The following PCDHA13 variants were observed in gnomAD, a reference collection of about 807,000 sequenced individuals.
The protein encoded by PCDHA13 is protocadherin alpha-13.
A neutral mutation model predicts 64.8 loss-of-function variants in PCDHA13; 54 were observed. The observed-to-expected ratio is 0.83, with a 90% CI of 0.67 to 1.04. The LOEUF is 1.04. Among genes scored for constraint, PCDHA13 ranks in the 50% least tolerant of loss-of-function variants. The pLI is 0.00. For synonymous variants in PCDHA13, 587 were observed against 564.4 expected, an observed-to-expected ratio of 1.04 and a Z score of -0.57; for missense variants, 1,248 against 1,254.3, an observed-to-expected ratio of 0.99 and a Z score of 0.08.
chr5:140,912,322 G>A (rs1050946341), intron 1 of PCDHA13, among the ~76,000 whole-genome samples: 10 of 149,938 alleles, frequency 6.7e-5, no homozygotes, highest in African/African-American at 1.7e-4. Flanking sequence ...TTGACCCTCA[G>A]TATTAACCAG....
At chr5:140,948,665 A>T (rs2094288381) in intron 1 of PCDHA13, among the ~76,000 whole-genome samples, 1 of 151,668 alleles carries the variant, frequency 6.6e-6, no homozygotes. Flanking sequence ...ATCTGTAGTG[A>T]TAACATCTTT....
chr5:141,004,351 G>T (rs547017222), intron 3 of PCDHA13, among the ~76,000 whole-genome samples: 1 of 152,332 alleles, frequency 6.6e-6, no homozygotes, highest in African/African-American at 2.4e-5. Flanking sequence ...TGAGGGACTG[G>T]AGAGACCACA....
At chr5:141,001,723 A>G (rs936645287) in intron 3 of PCDHA13, among the ~76,000 whole-genome samples, 22 of 152,286 alleles carry the variant, frequency 1.4e-4, no homozygotes, top group African/African-American at 4.8e-4. Context: ...GGAGCTTGAG[A>G]TATTTTACAA....
chr5:140,929,330 G>T, intron 1 of PCDHA13: 1 of 1,535,218 alleles, frequency 6.5e-7, no homozygotes. Context: ...GCCATGGTAA[G>T]CAAATTTTAT....
intron 1 of PCDHA13, among the ~76,000 whole-genome samples, chr5:140,898,316 G>T (rs1487888782): frequency 6.6e-6 from 1 of 152,168 alleles, no homozygotes; most frequent in Non-Finnish European, 1.5e-5. Flanking sequence ...GGTTTTTATG[G>T]TTTTGGGTCT....
chr5:140,993,754 A>G (rs1253767297), intron 3 of PCDHA13, among the ~76,000 whole-genome samples: 1 of 152,170 alleles, frequency 6.6e-6, no homozygotes, highest in African/African-American at 2.4e-5. Context: ...ACTTGCCATT[A>G]TATTACAATT....
intron 1 of PCDHA13, among the ~76,000 whole-genome samples, chr5:140,953,973 C>T (rs958351959): frequency 6.6e-5 from 10 of 152,036 alleles, no homozygotes; most frequent in Non-Finnish European, 1.3e-4. Context: ...GTGTGTTGTT[C>T]CCCTTCATAT....
intron 1 of PCDHA13, among the ~76,000 whole-genome samples, chr5:140,954,817 T>G (rs1461497595): frequency 1.3e-5 from 2 of 152,224 alleles, no homozygotes; most frequent in Non-Finnish European, 2.9e-5. Flanking sequence ...TGAAATTGCT[T>G]TAGGCACTTT....
intron 2 of PCDHA13, among the ~76,000 whole-genome samples, chr5:140,981,956 T>C (rs2096959461): frequency 6.6e-6 from 1 of 152,184 alleles, no homozygotes; most frequent in Non-Finnish European, 1.5e-5. Flanking sequence ...GGGTCATCTA[T>C]GCATAAAAGA....
chr5:140,992,418 A>G (rs2097510878), intron 3 of PCDHA13, among the ~76,000 whole-genome samples: 1 of 152,164 alleles, frequency 6.6e-6, no homozygotes, highest in South Asian at 2.1e-4. Flanking sequence ...CCCCAGGTCT[A>G]AGAATATTGT....
Position 140,965,232 on chromosome 5 carries a change from G to T in PCDHA13, c.2395-13717G>T, listed in dbSNP as rs192008157. ...TCCTGTGGAAGAAATGTGAGAACCT[G>T]GGAAGAGTGAATATTCAGAACTGAG... On this transcript the variant is annotated intron_variant, in intron 1 of 3. Coordinates refer to ENST00000289272, the MANE Select transcript of PCDHA13 (RefSeq NM_018904.3). Among the ~76,000 whole-genome samples, 4 of 152,312 alleles carry T rather than the reference G, an allele frequency of 2.6e-5. No individual in the cohort carries two copies. In the East Asian group the frequency reaches 7.7e-4, roughly 29 times the overall value.
At chr5:140,974,721 G>T (rs1033117636) in intron 1 of PCDHA13, among the ~76,000 whole-genome samples, 1 of 152,050 alleles carries the variant, frequency 6.6e-6, no homozygotes, top group Non-Finnish European at 1.5e-5. Context: ...AGCTGCTCTC[G>T]AACTCCTGTC....
chr5:140,966,926 C>T (rs782811757), intron 1 of PCDHA13: 22 of 1,603,344 alleles, frequency 1.4e-5, no homozygotes, highest in Middle Eastern at 1.6e-4. Context: ...GGAGCAGGCA[C>T]CCGGCGCGCT....
rs1181664726 is a variant in PCDHA13 at position 140,982,480 on chromosome 5, T to C, written c.2459T>C (p.Val820Ala). ...GGGTCTGTGTGTTTATTCAGCTCTG[T>C]GCACCTAGAGGAGGCTGGCATTCTA... ...ASLRAGMHSS[V>A]HLEEAGILRA... is the part of the protein sequence containing the mutation. The change falls in exon 3 of 4, where the codon GTG (valine) becomes GCG (alanine). Residue 820 changes from valine (V) to alanine (A), a missense_variant. Coordinates refer to ENST00000289272, the MANE Select transcript of PCDHA13 (RefSeq NM_018904.3). 5.0e-6 allele frequency: 8 copies of C among 1,614,216 alleles called. No individual in the cohort carries two copies. Among genetic ancestry groups the C allele is most frequent in the Non-Finnish European group, 6.8e-6 (8 of 1,180,038 alleles).
chr5:140,894,971 G>A (rs1231249838), intron 1 of PCDHA13, among the ~76,000 whole-genome samples: 1 of 152,010 alleles, frequency 6.6e-6, no homozygotes, highest in African/African-American at 2.4e-5. Context: ...ATTTTTTAAT[G>A]TCTTACTTTG....
At chr5:140,927,903 C>T in intron 1 of PCDHA13, 1 of 1,614,158 alleles carries the variant, frequency 6.2e-7, no homozygotes, top group South Asian at 1.1e-5. Flanking sequence ...ACGATCATGC[C>T]CCCGAACTGG....
chr5:140,998,646 C>G (rs1413467899), intron 3 of PCDHA13, among the ~76,000 whole-genome samples: 1 of 151,870 alleles, frequency 6.6e-6, no homozygotes, highest in Non-Finnish European at 1.5e-5. Flanking sequence ...CTCACTGCAA[C>G]CTCTGCCTCC....
chr5:141,009,627 A>G lies in PCDHA13; in HGVS notation c.2543A>G (p.Glu848Gly), dbSNP rs782179145. 6.2e-7 allele frequency: 1 copy of G among 1,612,842 alleles called. No individual in the cohort carries two copies. The highest frequency in any genetic ancestry group is 1.1e-5 in the South Asian group (1 of 90,980). The change falls in exon 4 of 4, where the codon GAA becomes GGA. Residue 848 changes from glutamate (E) to glycine (G), a missense_variant and splice_region_variant. By Grantham distance (98) the Glu-to-Gly change is moderately conservative (BLOSUM62 -2). Coordinates refer to ENST00000289272, the MANE Select transcript of PCDHA13 (RefSeq NM_018904.3). Reference protein sequence around the residue: ...QWPTVSSATPEPEAGEVSPPV... With the variant: ...QWPTVSSATPGPEAGEVSPPV... ...TGATTTGTAATGTTTTGTCTTTCAGAACCAGAGGCAGGAGAAGTGTCCCCT... is the reference window on the plus strand; with the variant it reads ...TGATTTGTAATGTTTTGTCTTTCAGGACCAGAGGCAGGAGAAGTGTCCCCT...
At chr5:140,977,283 G>A (rs2096753441) in intron 1 of PCDHA13, among the ~76,000 whole-genome samples, 1 of 152,190 alleles carries the variant, frequency 6.6e-6, no homozygotes, top group African/African-American at 2.4e-5. Context: ...CTCAAAGGAA[G>A]GTTCTCTCAG....
Sources: gnomAD v4.1 joint callset for allele counts (sites outside exome capture counted in the v4.1 genomes callset) on GRCh38, gnomAD v4.1.1 for gene constraint, MANE v1.5 for transcripts, NCBI Gene and HGNC (gene_info 2026-07-23, HGNC 2026-07-21) for gene names.